The following ARHGAP26 variants were observed in gnomAD, a reference collection of about 807,000 sequenced individuals.
ARHGAP26 encodes rho GTPase-activating protein 26.
In ARHGAP26, 38 loss-of-function variants were observed where a neutral mutation model predicts 104.8. The ratio of observed to expected loss-of-function variants is 0.36; its 90% CI spans 0.28 to 0.48. ARHGAP26 has a LOEUF of 0.48. ARHGAP26 is among the 20% of genes least tolerant of loss of function. ARHGAP26 has a pLI of 0.99. For synonymous variants in ARHGAP26, 341 were observed against 340.0 expected, an observed-to-expected ratio of 1.00 and a Z score of -0.03; for missense variants, 704 against 947.9, an observed-to-expected ratio of 0.74 and a Z score of 3.38.
chr5:142,870,355 G>C (rs1339893714), intron 1 of ARHGAP26, among the ~76,000 whole-genome samples: 1 of 152,164 alleles, frequency 6.6e-6, no homozygotes, highest in Non-Finnish European at 1.5e-5. Flanking sequence ...TTGGCAAGAA[G>C]CAATGGTTTT....
intron 11 of ARHGAP26, 68 bp downstream of exon 11, chr5:142,932,193 A>T: frequency 6.9e-7 from 1 of 1,457,306 alleles, no homozygotes; most frequent in Non-Finnish European, 9.6e-7. Flanking sequence ...TCCCTAGTGC[A>T]GTGATTTTTG....
intron 1 of ARHGAP26, among the ~76,000 whole-genome samples, chr5:142,799,584 T>A (rs1218184217): frequency 6.6e-6 from 1 of 152,168 alleles, no homozygotes; most frequent in Non-Finnish European, 1.5e-5. Context: ...ATACCACAGA[T>A]TGGGTAACTT....
intron 1 of ARHGAP26, among the ~76,000 whole-genome samples, chr5:142,774,516 C>T (rs1200240441): frequency 1.3e-5 from 2 of 151,960 alleles, no homozygotes; most frequent in African/African-American, 4.8e-5. Flanking sequence ...TCCAGTTGCC[C>T]CTATTTCTAA....
chr5:143,108,884 C>T (rs1794419594), intron 17 of ARHGAP26, among the ~76,000 whole-genome samples: 1 of 152,194 alleles, frequency 6.6e-6, no homozygotes, highest in South Asian at 2.1e-4. Flanking sequence ...AAGTGACAAG[C>T]TCTCAGCGCA....
chr5:142,992,391 T>A (rs901054390), intron 11 of ARHGAP26, among the ~76,000 whole-genome samples: 1 of 152,048 alleles, frequency 6.6e-6, no homozygotes, highest in African/African-American at 2.4e-5. Context: ...CAAGATGATT[T>A]AAGAAGTGCA....
chr5:143,051,489 G>T (rs1412264893), intron 14 of ARHGAP26, among the ~76,000 whole-genome samples: 1 of 152,232 alleles, frequency 6.6e-6, no homozygotes, highest in Non-Finnish European at 1.5e-5. Context: ...TTCTAAAGAA[G>T]AGTGTAAATG....
chr5:142,905,447 T>C (rs905984525), intron 8 of ARHGAP26, among the ~76,000 whole-genome samples: 4 of 152,160 alleles, frequency 2.6e-5, no homozygotes, highest in Admixed American at 1.3e-4. Flanking sequence ...ATTTCAGACA[T>C]ACAGAAAAGT....
At chr5:143,128,377 A>C (rs1796956720) in intron 18 of ARHGAP26, among the ~76,000 whole-genome samples, 1 of 152,212 alleles carries the variant, frequency 6.6e-6, no homozygotes, top group Admixed American at 6.5e-5. Flanking sequence ...GGATTACCCA[A>C]GCTGTCTATA....
Position 143,213,976 on chromosome 5 carries a change from TA to T in ARHGAP26, c.2100-18del. ...TAAGGGTTTTTTCAAAAATGTTAAA[TA>T]AACTCCTGTTTTCACACAGCACACC... is the stretch of plus-strand genomic sequence containing the variant. On this transcript the variant is annotated intron_variant, in intron 21 of 22. Coordinates refer to ENST00000645722, the MANE Select transcript of ARHGAP26 (RefSeq NM_001135608.3). 6.6e-7 allele frequency: 1 copy of T among 1,518,424 alleles called. No homozygotes were observed. Among genetic ancestry groups the T allele is most frequent in the South Asian group, 1.2e-5 (1 of 85,320 alleles). 94.1% of individuals were successfully genotyped at this position (1,518,424 alleles called of 1,614,324 possible).
At position 143,228,110 on chromosome 5, in the gene ARHGAP26, A is replaced by C. The variant is rs141959771; in HGVS notation, c.*5664A>C. ...AGTCCTGGAGAGGTTAAGACATTCTATACTGTTCTACGTCAACCATTTCTA... is the reference window on the plus strand; with the variant it reads ...AGTCCTGGAGAGGTTAAGACATTCTCTACTGTTCTACGTCAACCATTTCTA... On this transcript the variant is annotated 3_prime_UTR_variant, in exon 23 of 23. Transcript: ENST00000645722. The C allele has an allele frequency of 4.5e-6, 1 of 224,050 alleles. No individual in the cohort carries two copies. Among genetic ancestry groups the C allele is most frequent in the Non-Finnish European group, 8.9e-6 (1 of 112,342 alleles). 13.9% of individuals were successfully genotyped at this position (224,050 alleles called of 1,614,324 possible).
intron 17 of ARHGAP26, 111 bp from the exon 18 acceptor site, chr5:143,120,877 C>G: frequency 9.2e-7 from 1 of 1,086,086 alleles, no homozygotes; most frequent in Non-Finnish European, 1.3e-6. Flanking sequence ...CAAGTTCTGG[C>G]TCCTACAGAT....
Position 143,214,106 on chromosome 5 carries a change from TCA to T in ARHGAP26, c.2191+21_2191+22del. The T allele has an allele frequency of 1.9e-6, 1 of 534,588 alleles. No homozygotes were observed. Among genetic ancestry groups the T allele is most frequent in the Non-Finnish European group, 3.3e-6 (1 of 300,264 alleles). 33.1% of individuals were successfully genotyped at this position (534,588 alleles called of 1,614,324 possible). On this transcript the variant is annotated intron_variant, in intron 22 of 22. Transcript: ENST00000645722. ...CGATAACGGTGAGTTTCTCATCCCC[TCA>T]CAAAGATATGGGCGGGGGGCGGGGG...
intron 14 of ARHGAP26, among the ~76,000 whole-genome samples, chr5:143,046,090 C>CA (rs1157373648): frequency 1.3e-5 from 2 of 152,120 alleles, no homozygotes; most frequent in African/African-American, 4.8e-5. Flanking sequence ...GCCAGGACTG[C>CA]GTCATTGCAC....
At chr5:143,008,563 A>G (rs1778310101) in intron 11 of ARHGAP26, among the ~76,000 whole-genome samples, 1 of 152,182 alleles carries the variant, frequency 6.6e-6, no homozygotes, top group Non-Finnish European at 1.5e-5. Context: ...TAGAGTTTGG[A>G]TGTGCATTTG....
At chr5:142,879,575 G>C in intron 4 of ARHGAP26, 130 bp downstream of exon 4, 1 of 834,904 alleles carries the variant, frequency 1.2e-6, no homozygotes, top group Non-Finnish European at 1.8e-6. Context: ...GAAAATCTTA[G>C]GCAGAAAACT....
At chr5:142,832,401 T>C (rs1368120736) in intron 1 of ARHGAP26, among the ~76,000 whole-genome samples, 1 of 152,076 alleles carries the variant, frequency 6.6e-6, no homozygotes. Context: ...TCTGCACACA[T>C]GCACAAAGAA....
intron 11 of ARHGAP26, among the ~76,000 whole-genome samples, chr5:142,950,614 C>T (rs552152417): frequency 2.6e-5 from 4 of 152,176 alleles, no homozygotes; most frequent in African/African-American, 9.6e-5. Context: ...TTTCCTACAG[C>T]GACACCCAAT....
intron 7 of ARHGAP26, 109 bp from the exon 8 acceptor site, chr5:142,903,431 T>C: frequency 7.9e-7 from 1 of 1,267,420 alleles, no homozygotes; most frequent in Non-Finnish European, 1.1e-6. Context: ...TCCTGGAAGG[T>C]TGAATGTCCT....
chr5:142,880,769 C>T (rs1756879213), intron 4 of ARHGAP26, among the ~76,000 whole-genome samples: 1 of 152,112 alleles, frequency 6.6e-6, no homozygotes, highest in Admixed American at 6.5e-5. Flanking sequence ...TATTCCTCAC[C>T]CCTACAACAC....
Sources: gnomAD v4.1 joint callset for allele counts (sites outside exome capture counted in the v4.1 genomes callset) on GRCh38, gnomAD v4.1.1 for gene constraint, MANE v1.5 for transcripts, NCBI Gene and HGNC (gene_info 2026-07-23, HGNC 2026-07-21) for gene names.